Variants in NOL4L observed in about 807,000 individuals in gnomAD.
NOL4L encodes the protein nucleolar protein 4-like.
A neutral mutation model predicts 64.5 loss-of-function variants in NOL4L; 7 were observed. The ratio of observed to expected loss-of-function variants is 0.11; its 90% confidence interval spans 0.06 to 0.20. The LOEUF (loss-of-function observed/expected upper bound fraction) is 0.20. Ranked by LOEUF, NOL4L falls within the 10% of genes least tolerant of loss-of-function variation. The probability of loss-of-function intolerance (pLI) is 1.00; values close to 1 mark genes in which losing one functional copy is unlikely to be tolerated. For synonymous variants in NOL4L, 413 were observed against 401.0 expected, an observed-to-expected ratio of 1.03 and a Z score of -0.36; for missense variants, 680 against 967.1, an observed-to-expected ratio of 0.70 and a Z score of 3.94.
chr20:32,456,134 A>C lies in NOL4L; in HGVS notation c.1103T>G (p.Val368Gly). 6.5e-7 allele frequency: 1 copy of C among 1,542,360 alleles called. No homozygotes were observed. Among genetic ancestry groups the C allele is most frequent in the Non-Finnish European group, 8.8e-7 (1 of 1,141,260 alleles). ...DGLRSRVKYG[V>G]KTTPESPPYS... is the part of the protein sequence containing the mutation. The stretch of plus-strand genomic sequence containing the variant: ...CCCACACACCTCGGGGGTGGTCTTC[A>C]CCCCGTATTTGACGCGGCTCCGCAG... The change falls in exon 6 of 11, where the codon GTG (valine) becomes GGG (glycine). Residue 368 changes from valine to glycine, a missense_variant. Val to Gly is a moderately radical substitution (Grantham distance 109). This residue lies in a region of NOL4L where 254 missense variants were observed against 238.7 expected (regional missense o/e 1.06). Transcript: ENST00000621426.
chr20:32,447,610 G>A lies in NOL4L; in HGVS notation c.2029C>T (p.Leu677=), dbSNP rs764917691. The part of the protein sequence containing the change: ...RSADELENLI[L]QQN Reference sequence around the variant, plus strand: ...TGCCGGTGGGGTCAGTTCTGCTGTAGGATGAGGTTTTCCAGTTCATCTGCA... The same window carrying A: ...TGCCGGTGGGGTCAGTTCTGCTGTAAGATGAGGTTTTCCAGTTCATCTGCA... The change falls in exon 11 of 11, where the codon CTA becomes TTA. Residue 677 remains leucine (L), a synonymous_variant. Coordinates refer to ENST00000621426, the MANE Select transcript of NOL4L (RefSeq NM_001256798.2). The A allele has an allele frequency of 6.9e-6, 11 of 1,602,124 alleles. No homozygotes were observed. The highest frequency in any genetic ancestry group is 8.5e-6 in the Non-Finnish European group (10 of 1,178,764).
At chr20:32,488,791 C>T (rs867119266) in intron 4 of NOL4L, among the ~76,000 whole-genome samples, 1 of 53,498 alleles carries the variant, frequency 1.9e-5, no homozygotes, top group African/African-American at 1.4e-4. Context: ...TCCTTCCTTC[C>T]TTTCTTTCTT....
At position 32,463,505 on chromosome 20, in the gene NOL4L, C is replaced by A. The variant is rs2014274997; in HGVS notation, c.842-7110G>T. 6.6e-6 allele frequency among the ~76,000 whole-genome samples: 1 copy of A among 152,200 alleles called. No homozygotes were observed. The highest frequency in any genetic ancestry group is 2.1e-4 in the South Asian group (1 of 4,836). ...CAAAACCAGGCCCTCCCCACTGTGG[C>A]AAAGGGCGACTCCTTCATCTGGGCA... On this transcript the variant is annotated intron_variant, in intron 5 of 10. Transcript: ENST00000621426. This position sits in a 1 kb window ranked among gnomAD's most constrained non-coding sequence, Gnocchi z 5.8.
intron 1 of NOL4L, among the ~76,000 whole-genome samples, chr20:32,530,089 G>A (rs997020404): frequency 1.3e-5 from 2 of 152,190 alleles, no homozygotes; most frequent in Non-Finnish European, 2.9e-5. Flanking sequence ...ATACTGCCAT[G>A]ACAGGGTTGG....
intron 1 of NOL4L, among the ~76,000 whole-genome samples, chr20:32,582,755 G>A (rs985254865): frequency 6.6e-6 from 1 of 152,326 alleles, no homozygotes; most frequent in Admixed American, 6.5e-5. Flanking sequence ...CTAGGGTAGG[G>A]GGCAAGACCC....
intron 5 of NOL4L, among the ~76,000 whole-genome samples, chr20:32,467,850 G>A (rs527335589): frequency 1.5e-3 from 226 of 152,352 alleles, no homozygotes; most frequent in Non-Finnish European, 1.6e-3. Flanking sequence ...GGCCAGGGAG[G>A]AGGCACACAG....
At chr20:32,544,631 G>C (rs1409839434) in intron 1 of NOL4L, among the ~76,000 whole-genome samples, 1 of 152,090 alleles carries the variant, frequency 6.6e-6, no homozygotes, top group Non-Finnish European at 1.5e-5. Flanking sequence ...GAGGGAGGGT[G>C]GTCAGTGGCG....
Position 32,463,536 on chromosome 20 carries a change from C to T in NOL4L, c.842-7141G>A, listed in dbSNP as rs1237408845. Among the ~76,000 whole-genome samples the T allele has an allele frequency of 5.9e-5, 9 of 152,316 alleles. No homozygotes were observed. In the East Asian group the frequency reaches 7.7e-4, roughly 13 times the overall value. ...GCGACTCCTTCATCTGGGCAGGACCCGGAGCCCACCACCTGTGCCCAGAAT... is the reference window on the plus strand; with the variant it reads ...GCGACTCCTTCATCTGGGCAGGACCTGGAGCCCACCACCTGTGCCCAGAAT... On this transcript the variant is annotated intron_variant, in intron 5 of 10. Transcript: ENST00000621426. The surrounding 1 kb of genome is among the most constrained non-coding windows in gnomAD (Gnocchi z 5.8).
chr20:32,456,166 G>A lies in NOL4L; in HGVS notation c.1071C>T (p.Ala357=), dbSNP rs143234378. ...ATTTGACGCGGCTCCGCAGCCCGTCGGCACCGCAGCCATCCGAGGGGTAGG... is the reference window on the plus strand; with the variant it reads ...ATTTGACGCGGCTCCGCAGCCCGTCAGCACCGCAGCCATCCGAGGGGTAGG... ...TASYPSDGCG[A]DGLRSRVKYG... Residue 357 remains alanine (A), a synonymous_variant, in exon 6 of 11, where the codon GCC becomes GCT. Coordinates refer to ENST00000621426, the MANE Select transcript of NOL4L (RefSeq NM_001256798.2). 826 of 1,579,656 alleles carry A rather than the reference G, an allele frequency of 5.2e-4. 6 individuals are homozygous for A. The highest frequency in any genetic ancestry group is 4.7e-3 in the Middle Eastern group (28 of 5,940).
chr20:32,531,338 G>A (rs2018338714), intron 1 of NOL4L, among the ~76,000 whole-genome samples: 1 of 151,974 alleles, frequency 6.6e-6, no homozygotes, highest in South Asian at 2.1e-4. Flanking sequence ...GCTTGTGGGG[G>A]CCTTAGGTGG....
intron 1 of NOL4L, 124 bp from the exon 2 acceptor site, chr20:32,528,037 G>A: frequency 1.5e-6 from 1 of 686,576 alleles, no homozygotes; most frequent in South Asian, 3.0e-5. Context: ...GGGGTGGGGA[G>A]GGGAGGGAGC....
intron 5 of NOL4L, among the ~76,000 whole-genome samples, chr20:32,469,223 G>A (rs1324792125): frequency 3.3e-5 from 5 of 152,174 alleles, no homozygotes; most frequent in African/African-American, 1.2e-4. Context: ...CAATGACTAT[G>A]TGAGAAAAAA....
chr20:32,561,725 T>C (rs1301554251), intron 1 of NOL4L, among the ~76,000 whole-genome samples: 1 of 152,180 alleles, frequency 6.6e-6, no homozygotes, highest in Non-Finnish European at 1.5e-5. Flanking sequence ...GCTTTGTCTC[T>C]TGGGCAAGTT....
chr20:32,489,886 T>C (rs1272587035), intron 4 of NOL4L, among the ~76,000 whole-genome samples: 1 of 151,996 alleles, frequency 6.6e-6, no homozygotes, highest in African/African-American at 2.4e-5. Flanking sequence ...CCCAGCATTT[T>C]GCGAAGCCGA....
At chr20:32,584,133 G>GCGCGCACA (rs1555811186) in intron 1 of NOL4L, among the ~76,000 whole-genome samples, 2 of 88,800 alleles carry the variant, frequency 2.3e-5, no homozygotes, top group Non-Finnish European at 4.2e-5. Flanking sequence ...CTCCGCGCGC[G>GCGCGCACA]CACACACACA....
At chr20:32,475,721 T>C (rs1043785485) in intron 4 of NOL4L, among the ~76,000 whole-genome samples, 3 of 152,122 alleles carry the variant, frequency 2.0e-5, no homozygotes, top group African/African-American at 4.8e-5. Flanking sequence ...CAATGGCCTC[T>C]GTGGGCCCCC....
intron 1 of NOL4L, chr20:32,536,513 T>A (rs539891245): frequency 8.1e-6 from 1 of 122,716 alleles, no homozygotes; most frequent in South Asian, 3.0e-4. Flanking sequence ...GCGGCCGCGC[T>A]CTCTTCACGG....
At chr20:32,550,748 C>T (rs2018789748) in intron 1 of NOL4L, among the ~76,000 whole-genome samples, 1 of 151,980 alleles carries the variant, frequency 6.6e-6, no homozygotes, top group South Asian at 2.1e-4. Context: ...GGTGTGGTGG[C>T]GTGTGCCTGT....
At chr20:32,480,961 A>C (rs1430041022) in intron 4 of NOL4L, among the ~76,000 whole-genome samples, 1 of 152,152 alleles carries the variant, frequency 6.6e-6, no homozygotes, top group Admixed American at 6.5e-5. Context: ...TCTGCTTACT[A>C]GCCATGCAAG....
Sources: gnomAD v4.1 joint callset for allele counts (sites outside exome capture counted in the v4.1 genomes callset) on GRCh38, gnomAD v4.1.1 for gene constraint, gnomAD v4.1.1 regional missense constraint, Gnocchi (gnomAD v3.1) non-coding constraint, MANE v1.5 for transcripts, NCBI Gene and HGNC (gene_info 2026-07-23, HGNC 2026-07-21) for gene names.